Variants in RANBP2 observed in about 807,000 individuals in gnomAD.
RANBP2 encodes E3 SUMO-protein ligase RanBP2.
A neutral mutation model predicts 303.6 loss-of-function variants in RANBP2; 57 were observed. That is an observed-to-expected ratio of 0.19 (90% CI 0.15 to 0.23). The LOEUF (loss-of-function observed/expected upper bound fraction) is 0.23, where lower values mean the gene tolerates loss of function less well. RANBP2 is among the 10% of genes least tolerant of loss of function. The pLI is 1.00. For synonymous variants in RANBP2, 1,167 were observed against 1,301.5 expected, an observed-to-expected ratio of 0.90 and a Z score of 2.23; for missense variants, 3,138 against 3,780.8, an observed-to-expected ratio of 0.83 and a Z score of 4.46.
the RANBP2 span, among the ~76,000 whole-genome samples, chr2:109,377,895 G>A: frequency 6.6e-6 from 1 of 152,200 alleles, no homozygotes; most frequent in Non-Finnish European, 1.5e-5. Flanking sequence ...GAGACGTTTG[G>A]TGGTGACTTA....
At chr2:109,737,993 A>G in the RANBP2 span, among the ~76,000 whole-genome samples, 1 of 152,050 alleles carries the variant, frequency 6.6e-6, no homozygotes, top group Non-Finnish European at 1.5e-5. Context: ...CCCTTGTCAA[A>G]TGAGTAGTTT....
At chr2:109,559,952 G>A in the RANBP2 span, among the ~76,000 whole-genome samples, 93 of 125,438 alleles carry the variant, frequency 7.4e-4, 2 homozygotes, top group South Asian at 0.023. Flanking sequence ...ATGGGGTCTC[G>A]CTCTGTCACC....
chr2:109,677,751 C>T, the RANBP2 span, among the ~76,000 whole-genome samples: 36 of 152,294 alleles, frequency 2.4e-4, no homozygotes, highest in Admixed American at 1.6e-3. Context: ...AGAAGTTTAT[C>T]CAGATCTTTC....
At chr2:109,437,750 G>A in the RANBP2 span, among the ~76,000 whole-genome samples, 3 of 151,850 alleles carry the variant, frequency 2.0e-5, no homozygotes, top group Admixed American at 2.0e-4. Flanking sequence ...GCCCCAGGAT[G>A]TTGTGAGATG....
At chr2:109,459,432 T>A in the RANBP2 span, among the ~76,000 whole-genome samples, 2 of 152,130 alleles carry the variant, frequency 1.3e-5, no homozygotes, top group Admixed American at 1.3e-4. Context: ...ATCCAAACCT[T>A]CATTCCTGAA....
chr2:108,991,653 G>A, the RANBP2 span, among the ~76,000 whole-genome samples: 1 of 152,114 alleles, frequency 6.6e-6, no homozygotes, highest in Non-Finnish European at 1.5e-5. Context: ...TCTCAGCTCC[G>A]CAGCAACAAA....
At chr2:109,501,120 T>TG in the RANBP2 span, among the ~76,000 whole-genome samples, 12 of 151,658 alleles carry the variant, frequency 7.9e-5, no homozygotes, top group Non-Finnish European at 1.6e-4. Flanking sequence ...ATGGGGCAAA[T>TG]GGGGACACAG....
At chr2:109,251,454 A>G in the RANBP2 span, 10 of 726,652 alleles carry the variant, frequency 1.4e-5, no homozygotes, top group African/African-American at 1.6e-4. Flanking sequence ...AGTTGAAAAA[A>G]TCTATGGACA....
the RANBP2 span, among the ~76,000 whole-genome samples, chr2:109,404,580 G>C: frequency 6.6e-6 from 1 of 152,148 alleles, no homozygotes; most frequent in Non-Finnish European, 1.5e-5. Context: ...TGGCCACTGG[G>C]CACCTCCCAG....
At chr2:109,645,888 C>T in the RANBP2 span, among the ~76,000 whole-genome samples, 3 of 152,108 alleles carry the variant, frequency 2.0e-5, no homozygotes, top group African/African-American at 4.8e-5. Flanking sequence ...AGGGGTGCGC[C>T]ATTCCCATTT....
the RANBP2 span, among the ~76,000 whole-genome samples, chr2:109,481,941 C>G: frequency 6.6e-6 from 1 of 152,238 alleles, no homozygotes; most frequent in Non-Finnish European, 1.5e-5. Context: ...GTGAATGCCT[C>G]TGTGCTCCCC....
the RANBP2 span, among the ~76,000 whole-genome samples, chr2:109,479,200 C>T: frequency 4.6e-5 from 7 of 152,112 alleles, no homozygotes; most frequent in Admixed American, 1.3e-4. Flanking sequence ...CTCAGGGTCA[C>T]GCAGTGGCAT....
the RANBP2 span, among the ~76,000 whole-genome samples, chr2:109,437,582 G>A: frequency 6.6e-6 from 1 of 152,208 alleles, no homozygotes; most frequent in South Asian, 2.1e-4. Flanking sequence ...GCCGGGCCCT[G>A]CAGGGCTTCC....
chr2:108,924,761 A>C, the RANBP2 span, among the ~76,000 whole-genome samples: 1 of 152,200 alleles, frequency 6.6e-6, no homozygotes, highest in Non-Finnish European at 1.5e-5. Context: ...AACACCTCCC[A>C]GAGAAGCCAC....
the RANBP2 span, among the ~76,000 whole-genome samples, chr2:109,152,418 G>A: frequency 6.6e-6 from 1 of 152,088 alleles, no homozygotes; most frequent in African/African-American, 2.4e-5. Flanking sequence ...ATAATTCTGG[G>A]CTCCGATCTC....
At chr2:109,230,851 TAGG>T in the RANBP2 span, among the ~76,000 whole-genome samples, 1 of 152,194 alleles carries the variant, frequency 6.6e-6, no homozygotes, top group African/African-American at 2.4e-5. Flanking sequence ...CTAAATCCCC[TAGG>T]AGTTCACTGG....
chr2:109,043,261 A>T, the RANBP2 span, among the ~76,000 whole-genome samples: 1 of 152,200 alleles, frequency 6.6e-6, no homozygotes, highest in South Asian at 2.1e-4. Flanking sequence ...TTTCTTCATT[A>T]CTTTACGAAA....
chr2:109,596,366 C>A, the RANBP2 span, among the ~76,000 whole-genome samples: 5 of 151,932 alleles, frequency 3.3e-5, no homozygotes, highest in African/African-American at 1.2e-4. Context: ...GCCTGTAATT[C>A]CAGCAGTTTG....
intron 7 of RANBP2, 72 bp downstream of exon 7, chr2:108,740,753 T>A: frequency 6.3e-7 from 1 of 1,595,412 alleles, no homozygotes; most frequent in Middle Eastern, 2.3e-4. Flanking sequence ...AGGTGTGCTC[T>A]GGTATGTAAT....
Sources: gnomAD v4.1 joint callset for allele counts (sites outside exome capture counted in the v4.1 genomes callset) on GRCh38, gnomAD v4.1.1 for gene constraint, MANE v1.5 for transcripts, NCBI Gene and HGNC (gene_info 2026-07-23, HGNC 2026-07-21) for gene names.